Variants in SDC2 observed in about 807,000 individuals in gnomAD.
SDC2 encodes the protein syndecan 2.
SDC2 carries 13 observed loss-of-function variants against 22.2 expected under a neutral mutation model. The observed-to-expected ratio is 0.59, with a 90% CI of 0.38 to 0.93. SDC2 has a LOEUF of 0.93. Ranked by LOEUF, SDC2 falls within the 40% of genes least tolerant of loss-of-function variation. The pLI, the probability that SDC2 is intolerant of heterozygous loss-of-function variation, is 0.00. For missense variants in SDC2, 235 were observed against 246.8 expected (o/e 0.95, Z 0.32); for synonymous variants, 94 against 92.8 (o/e 1.01, Z -0.07).
intron 3 of SDC2, among the ~76,000 whole-genome samples, chr8:96,602,899 G>T (rs554110632): frequency 6.6e-6 from 1 of 152,140 alleles, no homozygotes; most frequent in Non-Finnish European, 1.5e-5. Flanking sequence ...TGTAGGTTAC[G>T]TAATTAGAAG....
chr8:96,508,479 C>CTT (rs1563641992), intron 1 of SDC2, among the ~76,000 whole-genome samples: 45 of 141,610 alleles, frequency 3.2e-4, no homozygotes, highest in South Asian at 8.9e-4. Context: ...GGTGACAGAG[C>CTT]AAGACTCCAT....
intron 2 of SDC2, among the ~76,000 whole-genome samples, chr8:96,596,984 G>A (rs1053598131): frequency 1.3e-5 from 2 of 152,128 alleles, no homozygotes; most frequent in African/African-American, 4.8e-5. Flanking sequence ...AGGATGATTG[G>A]CTGGAAGTCT....
At chr8:96,539,359 C>A (rs1484138543) in intron 1 of SDC2, among the ~76,000 whole-genome samples, 1 of 152,168 alleles carries the variant, frequency 6.6e-6, no homozygotes, top group Non-Finnish European at 1.5e-5. Context: ...TCTTACTGAT[C>A]TTCTCGACTA....
At chr8:96,536,837 C>T (rs960808598) in intron 1 of SDC2, among the ~76,000 whole-genome samples, 1 of 152,186 alleles carries the variant, frequency 6.6e-6, no homozygotes, top group Admixed American at 6.5e-5. Context: ...GCTTTTCCTT[C>T]TGTGGCAATT....
intron 1 of SDC2, among the ~76,000 whole-genome samples, chr8:96,520,848 T>C (rs1255483394): frequency 6.6e-6 from 1 of 152,132 alleles, no homozygotes; most frequent in Non-Finnish European, 1.5e-5. Flanking sequence ...ACCTCAGGGC[T>C]GTCTTCTAAA....
intron 1 of SDC2, among the ~76,000 whole-genome samples, chr8:96,534,474 G>T (rs1307275747): frequency 6.6e-6 from 1 of 152,134 alleles, no homozygotes; most frequent in Non-Finnish European, 1.5e-5. Flanking sequence ...TTGCTCTGTT[G>T]CCTAGGCTGG....
At chr8:96,557,517 T>C (rs1254422348) in intron 1 of SDC2, among the ~76,000 whole-genome samples, 1 of 148,556 alleles carries the variant, frequency 6.7e-6, no homozygotes, top group South Asian at 2.2e-4. Flanking sequence ...CAGTAAACTA[T>C]CGCAAGAACA....
chr8:96,561,500 A>T (rs550172804), intron 1 of SDC2, among the ~76,000 whole-genome samples: 2 of 152,312 alleles, frequency 1.3e-5, no homozygotes, highest in East Asian at 1.9e-4. Flanking sequence ...AATGCTGTAC[A>T]GGTTGTGTGG....
At chr8:96,540,562 C>T (rs1813832200) in intron 1 of SDC2, among the ~76,000 whole-genome samples, 2 of 151,538 alleles carry the variant, frequency 1.3e-5, no homozygotes, top group East Asian at 1.9e-4. Context: ...CTCTGCTCAC[C>T]CGCCCATCTT....
chr8:96,560,076 A>G (rs931395851), intron 1 of SDC2, among the ~76,000 whole-genome samples: 30 of 152,128 alleles, frequency 2.0e-4, no homozygotes, highest in African/African-American at 5.6e-4. Context: ...ACTACAATCA[A>G]TTTTAGAACT....
chr8:96,583,317 AAT>A (rs956957139), intron 1 of SDC2, among the ~76,000 whole-genome samples: 5 of 147,156 alleles, frequency 3.4e-5, no homozygotes, highest in Non-Finnish European at 3.0e-5. Flanking sequence ...TGATATATGT[AAT>A]ATATATATTA....
intron 1 of SDC2, among the ~76,000 whole-genome samples, chr8:96,502,499 G>A (rs1221628534): frequency 1.1e-5 from 1 of 93,264 alleles, no homozygotes; most frequent in Non-Finnish European, 2.8e-5. Flanking sequence ...TGATATACTG[G>A]GGGTCTTTTT....
intron 1 of SDC2, among the ~76,000 whole-genome samples, chr8:96,572,390 T>C (rs1437874994): frequency 6.6e-6 from 1 of 152,158 alleles, no homozygotes; most frequent in Non-Finnish European, 1.5e-5. Flanking sequence ...GCCTGTGCAC[T>C]GGTCTTTTGT....
intron 2 of SDC2, among the ~76,000 whole-genome samples, chr8:96,595,504 C>T (rs1002600397): frequency 4.2e-5 from 6 of 143,240 alleles, no homozygotes; most frequent in Admixed American, 1.4e-4. Flanking sequence ...CTCATGGCAC[C>T]TCTTTTTTTT....
chr8:96,585,752 GC>G (rs1488593875), intron 1 of SDC2, among the ~76,000 whole-genome samples: 1 of 151,974 alleles, frequency 6.6e-6, no homozygotes, highest in Non-Finnish European at 1.5e-5. Flanking sequence ...ACCACCAGAT[GC>G]CCCAACGTAC....
At chr8:96,510,623 A>G (rs546464178) in intron 1 of SDC2, among the ~76,000 whole-genome samples, 2 of 152,204 alleles carry the variant, frequency 1.3e-5, no homozygotes, top group African/African-American at 2.4e-5. Flanking sequence ...TAACATTACA[A>G]TGCTGACCCT....
At chr8:96,605,775 G>C (rs1198678975) in intron 3 of SDC2, among the ~76,000 whole-genome samples, 1 of 152,158 alleles carries the variant, frequency 6.6e-6, no homozygotes, top group East Asian at 1.9e-4. Context: ...CACTGAGACA[G>C]GGACCTATTG....
chr8:96,598,940 C>CT (rs567223016), intron 2 of SDC2, among the ~76,000 whole-genome samples: 46,373 of 127,446 alleles, frequency 0.36, 9,713 homozygotes, highest in Non-Finnish European at 0.46. Context: ...CTGTCTCTAT[C>CT]TTTTTTTTTT....
intron 1 of SDC2, among the ~76,000 whole-genome samples, chr8:96,571,394 C>G (rs549442082): frequency 6.6e-6 from 1 of 152,092 alleles, no homozygotes; most frequent in Admixed American, 6.6e-5. Context: ...GGCAGGTCCC[C>G]GATCACCGGG....
Sources: gnomAD v4.1 joint callset for allele counts (sites outside exome capture counted in the v4.1 genomes callset) on GRCh38, gnomAD v4.1.1 for gene constraint, MANE v1.5 for transcripts, NCBI Gene and HGNC (gene_info 2026-07-23, HGNC 2026-07-21) for gene names.